ARL15: variants seen among roughly 807,000 people sequenced by gnomAD.
ARL15 encodes ARF like GTPase 15.
A neutral mutation model predicts 25.2 loss-of-function variants in ARL15; 19 were observed. That is an observed-to-expected ratio of 0.75 (90% CI 0.53 to 1.10). The LOEUF (loss-of-function observed/expected upper bound fraction) is 1.10, where lower values mean the gene tolerates loss of function less well. Ranked by LOEUF, ARL15 falls within the 50% of genes least tolerant of loss-of-function variation. The probability of loss-of-function intolerance (pLI) is 0.00; values close to 1 mark genes in which losing one functional copy is unlikely to be tolerated. For synonymous variants in ARL15, 94 were observed against 86.8 expected (o/e 1.08, Z -0.46); for missense variants, 220 against 246.0 (o/e 0.89, Z 0.71).
intron 1 of ARL15, among the ~76,000 whole-genome samples, chr5:54,278,150 T>C (rs1757969939): frequency 6.6e-6 from 1 of 152,204 alleles, no homozygotes; most frequent in Non-Finnish European, 1.5e-5. Flanking sequence ...GGCTCCATGA[T>C]GGTGTTATTA....
At chr5:54,031,130 A>T (rs1749969511) in intron 4 of ARL15, among the ~76,000 whole-genome samples, 1 of 152,166 alleles carries the variant, frequency 6.6e-6, no homozygotes, top group Admixed American at 6.5e-5. Context: ...AGACTAAAAG[A>T]TTTAAGCTTT....
chr5:54,256,094 T>A (rs1195109056), intron 1 of ARL15, among the ~76,000 whole-genome samples: 1 of 148,974 alleles, frequency 6.7e-6, no homozygotes. Context: ...TAAATGAAAC[T>A]GAAACACAAA....
At chr5:54,175,565 C>T (rs1040754787) in intron 1 of ARL15, among the ~76,000 whole-genome samples, 15 of 151,846 alleles carry the variant, frequency 9.9e-5, no homozygotes, top group Admixed American at 8.5e-4. Flanking sequence ...GAACTCTCGA[C>T]TTCAGGTGAT....
chr5:53,979,082 G>A (rs944412138), intron 4 of ARL15, among the ~76,000 whole-genome samples: 2 of 152,134 alleles, frequency 1.3e-5, no homozygotes, highest in Non-Finnish European at 2.9e-5. Flanking sequence ...ACTCCTGAGC[G>A]CTACCTGTTC....
intron 4 of ARL15, among the ~76,000 whole-genome samples, chr5:53,988,844 A>G (rs1015016600): frequency 2.0e-5 from 3 of 152,182 alleles, no homozygotes; most frequent in African/African-American, 2.4e-5. Context: ...TAGTGTATCA[A>G]CTTTGGGGAG....
chr5:54,257,106 G>A (rs922051465), intron 1 of ARL15, among the ~76,000 whole-genome samples: 9 of 152,150 alleles, frequency 5.9e-5, no homozygotes, highest in African/African-American at 1.9e-4. Context: ...TCAGGCAAAT[G>A]AAAGAAATAA....
chr5:54,196,423 C>T (rs1434994686), intron 1 of ARL15, among the ~76,000 whole-genome samples: 2 of 152,088 alleles, frequency 1.3e-5, no homozygotes, highest in African/African-American at 4.8e-5. Flanking sequence ...AACTGGGCCA[C>T]CTTTGCCAAA....
intron 1 of ARL15, among the ~76,000 whole-genome samples, chr5:54,199,176 C>A (rs936909769): frequency 2.6e-5 from 4 of 152,150 alleles, no homozygotes; most frequent in African/African-American, 7.2e-5. Context: ...AAACTTTAGA[C>A]CTAAAACCAT....
intron 1 of ARL15, 112 bp downstream of exon 1, chr5:54,310,320 C>T: frequency 2.3e-5 from 29 of 1,248,426 alleles, no homozygotes; most frequent in Non-Finnish European, 3.2e-5. Context: ...GAAAGAACCC[C>T]AGAGGCATCC....
chr5:53,957,640 T>C (rs1200092774), intron 4 of ARL15, among the ~76,000 whole-genome samples: 1 of 151,602 alleles, frequency 6.6e-6, no homozygotes, highest in Non-Finnish European at 1.5e-5. Flanking sequence ...TCAGGTAACA[T>C]GGCAAAAGCT....
intron 4 of ARL15, among the ~76,000 whole-genome samples, chr5:53,911,518 A>C (rs754604266): frequency 2.0e-5 from 3 of 151,850 alleles, no homozygotes; most frequent in Non-Finnish European, 1.5e-5. Context: ...TTTTAAATTG[A>C]TTGTTTCTCC....
At chr5:54,149,835 T>A (rs1754011436) in intron 3 of ARL15, among the ~76,000 whole-genome samples, 1 of 152,104 alleles carries the variant, frequency 6.6e-6, no homozygotes. Flanking sequence ...CAGTAACTAA[T>A]TAAAACTAAA....
At chr5:53,899,347 CAAAAAAA>C (rs59145507) in intron 4 of ARL15, among the ~76,000 whole-genome samples, 62 of 89,332 alleles carry the variant, frequency 6.9e-4, no homozygotes, top group African/African-American at 3.0e-3. Flanking sequence ...GACTCTATCC[CAAAAAAA>C]AAAAAAAAAA....
intron 4 of ARL15, among the ~76,000 whole-genome samples, chr5:53,971,795 G>T (rs1747760417): frequency 6.6e-6 from 1 of 152,176 alleles, no homozygotes; most frequent in Non-Finnish European, 1.5e-5. Flanking sequence ...AATTCTTGCT[G>T]ATGTGATGCA....
intron 4 of ARL15, among the ~76,000 whole-genome samples, chr5:54,040,494 C>T (rs142813123): frequency 7.2e-4 from 109 of 152,186 alleles, no homozygotes; most frequent in African/African-American, 2.4e-3. Context: ...AATAACAGCA[C>T]CTAAAAGCTT....
chr5:54,297,486 C>G (rs1758496834), intron 1 of ARL15, among the ~76,000 whole-genome samples: 1 of 152,172 alleles, frequency 6.6e-6, no homozygotes, highest in Non-Finnish European at 1.5e-5. Context: ...GTGAGGTTAG[C>G]CCTCTTATGT....
chr5:54,258,205 G>C (rs556311172), intron 1 of ARL15, among the ~76,000 whole-genome samples: 1 of 152,060 alleles, frequency 6.6e-6, no homozygotes, highest in Admixed American at 6.5e-5. Flanking sequence ...AGGCGTGGTG[G>C]TGTATGCCTG....
chr5:54,211,467 CTT>C (rs57554255), intron 1 of ARL15, among the ~76,000 whole-genome samples: 28 of 119,608 alleles, frequency 2.3e-4, no homozygotes, highest in African/African-American at 6.7e-4. Context: ...AAATGAAACA[CTT>C]TTTTTTTTTT....
At chr5:54,174,549 G>C (rs1266379877) in intron 1 of ARL15, among the ~76,000 whole-genome samples, 1 of 152,098 alleles carries the variant, frequency 6.6e-6, no homozygotes, top group Non-Finnish European at 1.5e-5. Context: ...TTTCAAGCCT[G>C]AGGAGTCCTA....
Sources: allele counts gnomAD v4.1 joint callset (sites outside exome capture counted in the v4.1 genomes callset), GRCh38; gene constraint gnomAD v4.1.1; transcripts MANE v1.5; gene names NCBI Gene and HGNC (gene_info 2026-07-23, HGNC 2026-07-21).